The following GPC5 variants were observed in gnomAD, a reference collection of about 807,000 sequenced individuals.
GPC5 encodes glypican 5, also known as glypican-5.
A neutral mutation model predicts 53.9 loss-of-function variants in GPC5; 47 were observed. That is an observed-to-expected ratio of 0.87 (90% confidence interval 0.69 to 1.11). The LOEUF (loss-of-function observed/expected upper bound fraction) is 1.11, where lower values mean the gene tolerates loss of function less well. Among genes scored for constraint, GPC5 ranks in the 50% most tolerant of loss-of-function variants. GPC5 has a pLI of 0.00. For synonymous variants in GPC5, 286 were observed against 263.3 expected (o/e 1.09, Z -0.84); for missense variants, 748 against 713.1 (o/e 1.05, Z -0.56).
chr13:92,736,223 G>A (rs556555552), intron 7 of GPC5, among the ~76,000 whole-genome samples: 9 of 152,016 alleles, frequency 5.9e-5, no homozygotes, highest in Non-Finnish European at 1.3e-4. Flanking sequence ...TAAGCTAATA[G>A]TCTCCAAAGT....
intron 7 of GPC5, among the ~76,000 whole-genome samples, chr13:92,711,710 C>T (rs1888145233): frequency 6.6e-6 from 1 of 151,958 alleles, no homozygotes; most frequent in South Asian, 2.1e-4. Context: ...TCTCAACAAA[C>T]TTATAATTAA....
chr13:91,897,366 T>C (rs1286275113), intron 5 of GPC5, among the ~76,000 whole-genome samples: 146 of 137,304 alleles, frequency 1.1e-3, no homozygotes, highest in Non-Finnish European at 1.7e-3. Context: ...TGTGTGTGTG[T>C]GTGCGCCTGT....
chr13:92,825,651 C>T (rs1049483372), intron 7 of GPC5, among the ~76,000 whole-genome samples: 2 of 152,110 alleles, frequency 1.3e-5, no homozygotes, highest in East Asian at 1.9e-4. Flanking sequence ...GTGCTGTCTA[C>T]TGAGAATTTT....
intron 6 of GPC5, among the ~76,000 whole-genome samples, chr13:92,087,133 G>A (rs1230717206): frequency 6.6e-6 from 1 of 152,202 alleles, no homozygotes; most frequent in Non-Finnish European, 1.5e-5. Context: ...TTGATACTTT[G>A]TTAAACAGGA....
chr13:92,628,690 G>A (rs1376001406), intron 7 of GPC5, among the ~76,000 whole-genome samples: 1 of 152,072 alleles, frequency 6.6e-6, no homozygotes, highest in Non-Finnish European at 1.5e-5. Context: ...CACTTTAGAT[G>A]GGAAGCTGAA....
chr13:92,288,260 A>C (rs1258829266), intron 7 of GPC5, among the ~76,000 whole-genome samples: 4 of 152,136 alleles, frequency 2.6e-5, no homozygotes, highest in Non-Finnish European at 5.9e-5. Flanking sequence ...GGACATCCTC[A>C]GAGATGTTTC....
At chr13:92,272,767 C>T (rs567483655) in intron 7 of GPC5, among the ~76,000 whole-genome samples, 4 of 152,116 alleles carry the variant, frequency 2.6e-5, no homozygotes, top group Non-Finnish European at 5.9e-5. Context: ...GCATGTATTA[C>T]AGAACAAAGT....
intron 7 of GPC5, among the ~76,000 whole-genome samples, chr13:92,557,747 A>T (rs185096233): frequency 3.4e-4 from 51 of 151,956 alleles, no homozygotes; most frequent in Non-Finnish European, 6.5e-4. Context: ...AATGATTGTA[A>T]ATTGGCTCAG....
At chr13:92,319,865 A>G (rs1414052067) in intron 7 of GPC5, among the ~76,000 whole-genome samples, 1 of 152,150 alleles carries the variant, frequency 6.6e-6, no homozygotes, top group East Asian at 1.9e-4. Context: ...TTTTAAGTCA[A>G]CCAGCTATGA....
At chr13:92,653,188 G>A (rs1221900218) in intron 7 of GPC5, among the ~76,000 whole-genome samples, 1 of 152,180 alleles carries the variant, frequency 6.6e-6, no homozygotes, top group Non-Finnish European at 1.5e-5. Context: ...GAAGGATAGG[G>A]TGAATATGAC....
chr13:91,603,559 G>A (rs1468018358), intron 2 of GPC5, among the ~76,000 whole-genome samples: 1 of 152,200 alleles, frequency 6.6e-6, no homozygotes, highest in African/African-American at 2.4e-5. Context: ...AGGCCCAAAT[G>A]ATGCAGGTGT....
Position 92,835,923 on chromosome 13 carries a change from C to T in GPC5, c.1562-30359C>T, listed in dbSNP as rs1250395041. On this transcript the variant is annotated intron_variant, in intron 7 of 7. Coordinates refer to ENST00000377067, the MANE Select transcript of GPC5 (RefSeq NM_004466.6). ...GCTATGGTAACTAATTTTCACTTCC[C>T]TAAATTACAGTGAGTCTGAACATTT... Among the ~76,000 whole-genome samples the T allele has an allele frequency of 2.6e-5, 4 of 151,872 alleles. No homozygotes were observed. In the East Asian group the frequency reaches 7.7e-4, roughly 29 times the overall value.
intron 5 of GPC5, among the ~76,000 whole-genome samples, chr13:91,886,905 C>T (rs2039328976): frequency 6.6e-6 from 1 of 152,154 alleles, no homozygotes; most frequent in African/African-American, 2.4e-5. Context: ...TCCAGGTAAA[C>T]AGTGTAAGCT....
chr13:91,885,531 T>C (rs1055810170), intron 5 of GPC5, among the ~76,000 whole-genome samples: 1 of 152,216 alleles, frequency 6.6e-6, no homozygotes, highest in African/African-American at 2.4e-5. Context: ...TTGCATCTTT[T>C]CCCAATACAC....
At chr13:92,042,292 T>C (rs1326939186) in intron 6 of GPC5, among the ~76,000 whole-genome samples, 1 of 152,200 alleles carries the variant, frequency 6.6e-6, no homozygotes, top group East Asian at 1.9e-4. Context: ...TACTAGCTAC[T>C]GATCCTTGAT....
At chr13:91,702,341 G>T (rs556987839) in intron 3 of GPC5, among the ~76,000 whole-genome samples, 66 of 152,034 alleles carry the variant, frequency 4.3e-4, no homozygotes, top group Middle Eastern at 3.4e-3. Flanking sequence ...TGTACTTGTG[G>T]GGTCATATCC....
At chr13:91,422,199 G>T (rs1878686729) in intron 1 of GPC5, among the ~76,000 whole-genome samples, 1 of 152,222 alleles carries the variant, frequency 6.6e-6, no homozygotes, top group Non-Finnish European at 1.5e-5. Flanking sequence ...TTGTAAGACA[G>T]ATAGCTTTGG....
intron 7 of GPC5, among the ~76,000 whole-genome samples, chr13:92,344,688 C>T (rs1453698475): frequency 2.0e-5 from 3 of 152,098 alleles, no homozygotes; most frequent in Non-Finnish European, 4.4e-5. Flanking sequence ...CAACTGCAGG[C>T]AGGGTCTTAC....
intron 3 of GPC5, among the ~76,000 whole-genome samples, chr13:91,695,329 A>C (rs902306944): frequency 6.6e-6 from 1 of 152,168 alleles, no homozygotes; most frequent in African/African-American, 2.4e-5. Flanking sequence ...TCCTTGAAAA[A>C]TAAGCACTTA....
Sources: gnomAD v4.1 joint callset for allele counts (sites outside exome capture counted in the v4.1 genomes callset) on GRCh38, gnomAD v4.1.1 for gene constraint, MANE v1.5 for transcripts, NCBI Gene and HGNC (gene_info 2026-07-23, HGNC 2026-07-21) for gene names.